Variants in EGFR observed in about 807,000 individuals in gnomAD.
EGFR encodes avian erythroblastic leukemia viral (v-erb-b) oncogene homolog.
In EGFR, 58 loss-of-function variants were observed where a neutral mutation model predicts 143.0. That is an observed-to-expected ratio of 0.41 (90% CI 0.33 to 0.50). EGFR has a LOEUF of 0.50. EGFR is among the 20% of genes least tolerant of loss of function. EGFR has a pLI of 0.39. For missense variants in EGFR, 1,307 were observed against 1,579.0 expected (o/e 0.83, Z 2.92); for synonymous variants, 613 against 594.4 (o/e 1.03, Z -0.45).
At chr7:55,168,421 T>C in intron 15 of EGFR, 1 of 806,654 alleles carries the variant, frequency 1.2e-6, no homozygotes, top group Non-Finnish European at 2.2e-6. Flanking sequence ...ACTTACTTTG[T>C]ATAAGAAATA....
intron 24 of EGFR, among the ~76,000 whole-genome samples, 167 bp from the exon 25 acceptor site, chr7:55,201,021 T>C (rs1429003347): frequency 6.6e-6 from 1 of 152,134 alleles, no homozygotes; most frequent in East Asian, 1.9e-4. Flanking sequence ...ACCCACATCA[T>C]GTCATGAGGG....
At chr7:55,130,110 ACTG>A (rs1793747940) in intron 1 of EGFR, among the ~76,000 whole-genome samples, 1 of 152,164 alleles carries the variant, frequency 6.6e-6, no homozygotes, top group African/African-American at 2.4e-5. Flanking sequence ...GAGGAGGTTT[ACTG>A]AGCCCTTCTC....
rs750418037 is a variant in EGFR, at chr7:55,115,665, C to T, written c.89-26621C>T. On this transcript the variant is annotated intron_variant, in intron 1 of 27. Coordinates refer to ENST00000275493, the MANE Select transcript of EGFR (RefSeq NM_005228.5). ...ATCCATGAGCTCCCTGCAAATATCCCGGTCTGCTCTCAGGACCCAGTGACT... is the reference window on the plus strand; with the variant it reads ...ATCCATGAGCTCCCTGCAAATATCCTGGTCTGCTCTCAGGACCCAGTGACT... 6.6e-5 allele frequency among the ~76,000 whole-genome samples: 10 copies of T among 152,246 alleles called. No homozygotes were observed. The East Asian group carries it at 1.4e-3, about 21-fold the overall frequency.
At chr7:55,050,044 C>T (rs1446050769) in intron 1 of EGFR, among the ~76,000 whole-genome samples, 1 of 152,166 alleles carries the variant, frequency 6.6e-6, no homozygotes, top group South Asian at 2.1e-4. Context: ...CAGCTCTTCC[C>T]TTCCTCTCTC....
intron 16 of EGFR, 109 bp downstream of exon 16, chr7:55,171,322 TC>T: frequency 6.7e-7 from 1 of 1,488,258 alleles, no homozygotes; most frequent in Non-Finnish European, 9.3e-7. Flanking sequence ...TGATCAAGTT[TC>T]TATGGCTCTG....
intron 1 of EGFR, 131 bp from the exon 2 acceptor site, chr7:55,142,155 G>C: frequency 9.2e-7 from 1 of 1,092,744 alleles, no homozygotes; most frequent in Non-Finnish European, 1.4e-6. Context: ...ACCTGGGCAG[G>C]AATGGGTGAG....
In EGFR at chr7:55,063,188, G is replaced by A. The variant is rs527334555; in HGVS notation, c.88+43823G>A. Among the ~76,000 whole-genome samples, 45 of 152,252 alleles carry A rather than the reference G, an allele frequency of 3.0e-4. No homozygotes were observed. In the South Asian group the frequency reaches 5.8e-3, roughly 20 times the overall value. On this transcript the variant is annotated intron_variant, in intron 1 of 27. Coordinates refer to ENST00000275493, the MANE Select transcript of EGFR (RefSeq NM_005228.5). ...AAGAGAAATGAAGAAATATGTGCCC[G>A]GAAGCAAGAACGACCGACCTCATTA...
At chr7:55,150,050 T>C (rs1188554485) in intron 4 of EGFR, among the ~76,000 whole-genome samples, 1 of 152,254 alleles carries the variant, frequency 6.6e-6, no homozygotes, top group Non-Finnish European at 1.5e-5. Context: ...CATTTCTTTT[T>C]TGTAACAGAT....
At chr7:55,089,693 T>C (rs1043198730) in intron 1 of EGFR, among the ~76,000 whole-genome samples, 3 of 152,186 alleles carry the variant, frequency 2.0e-5, no homozygotes, top group African/African-American at 7.2e-5. Context: ...TCCAGTTGTC[T>C]CAAAAATGTG....
rs2128958217 is a variant in EGFR at position 55,181,293 on chromosome 7, G to C, written c.2284G>C (p.Glu762Gln). 6.2e-7 allele frequency: 1 copy of C among 1,614,082 alleles called. No homozygotes were observed. Among genetic ancestry groups the C allele is most frequent in the Non-Finnish European group, 8.5e-7 (1 of 1,180,038 alleles). Residue 762 changes from glutamate to glutamine, a missense_variant and splice_region_variant, in exon 20 of 28, where the codon GAA (glutamate) becomes CAA (glutamine). By Grantham distance (29) the Glu-to-Gln change is conservative. Transcript: ENST00000275493. ...CTGACGTGCCTCTCCCTCCCTCCAG[G>C]AAGCCTACGTGATGGCCAGCGTGGA... ...SPKANKEILD[E>Q]AYVMASVDNP...
At chr7:55,073,599 A>C (rs1386966069) in intron 1 of EGFR, among the ~76,000 whole-genome samples, 1 of 152,188 alleles carries the variant, frequency 6.6e-6, no homozygotes, top group Non-Finnish European at 1.5e-5. Context: ...TTAATTTGGA[A>C]TTTACTATCA....
chr7:55,154,365 A>T (rs1444205701), intron 7 of EGFR, among the ~76,000 whole-genome samples: 1 of 152,182 alleles, frequency 6.6e-6, no homozygotes, highest in Non-Finnish European at 1.5e-5. Flanking sequence ...ATCTCCACCC[A>T]TGGGGGCTGC....
chr7:55,124,148 A>G (rs1055647810), intron 1 of EGFR, among the ~76,000 whole-genome samples: 1 of 152,246 alleles, frequency 6.6e-6, no homozygotes, highest in Non-Finnish European at 1.5e-5. Context: ...TTTTCTCCCT[A>G]TCAGTCATGG....
At chr7:55,021,298 T>G (rs1376406761) in intron 1 of EGFR, among the ~76,000 whole-genome samples, 1 of 152,206 alleles carries the variant, frequency 6.6e-6, no homozygotes, top group Non-Finnish European at 1.5e-5. Flanking sequence ...GCCGGTCCTG[T>G]TAGTCAGGTG....
Position 55,019,105 on chromosome 7 carries a change from G to A in EGFR, c.-173G>A. The A allele has an allele frequency of 2.9e-6, 1 of 346,236 alleles. No homozygotes were observed. The highest frequency in any genetic ancestry group is 5.1e-5 in the Admixed American group (1 of 19,784). 21.4% of individuals were successfully genotyped at this position (346,236 alleles called of 1,614,324 possible). The stretch of plus-strand genomic sequence containing the variant: ...GCGCCCGACGCGGCCGAGGCGGCCG[G>A]AGTCCCGAGCTAGCCCCGGCGGCCG... On this transcript the variant is annotated 5_prime_UTR_variant, in exon 1 of 28. Coordinates refer to ENST00000275493, the MANE Select transcript of EGFR (RefSeq NM_005228.5).
chr7:55,042,415 C>A (rs2128869908), intron 1 of EGFR, among the ~76,000 whole-genome samples: 1 of 152,308 alleles, frequency 6.6e-6, no homozygotes, highest in Non-Finnish European at 1.5e-5. Flanking sequence ...TGAGGAACTA[C>A]TTAAAGAAAG....
At chr7:55,028,993 C>T (rs908482096) in intron 1 of EGFR, among the ~76,000 whole-genome samples, 1 of 151,602 alleles carries the variant, frequency 6.6e-6, no homozygotes, top group African/African-American at 2.4e-5. Flanking sequence ...CCCGCCTCTA[C>T]TAAAAATACA....
chr7:55,078,129 C>G, intron 1 of EGFR, among the ~76,000 whole-genome samples: 1 of 152,118 alleles, frequency 6.6e-6, no homozygotes, highest in South Asian at 2.1e-4. Flanking sequence ...CTCCTGTCCA[C>G]CGTGCCGTGT....
rs376541336 is a variant in EGFR at position 55,205,575 on chromosome 7, C to T, written c.3591C>T (p.Tyr1197=). ...GCTCCACAGCTGAAAATGCAGAATA[C>T]CTAAGGGTCGCGCCACAAAGCAGTG... ...FKGSTAENAE[Y]LRVAPQSSEF... is the part of the protein sequence containing the mutation. Residue 1197 remains tyrosine (Y), a synonymous_variant, in exon 28 of 28, where the codon TAC becomes TAT. Transcript: ENST00000275493. The T allele has an allele frequency of 5.0e-6, 8 of 1,614,046 alleles. No homozygotes were observed. The highest frequency in any genetic ancestry group is 6.8e-6 in the Non-Finnish European group (8 of 1,180,026).
Sources: allele counts gnomAD v4.1 joint callset (sites outside exome capture counted in the v4.1 genomes callset), GRCh38; gene constraint gnomAD v4.1.1; transcripts MANE v1.5; gene names NCBI Gene and HGNC (gene_info 2026-07-23, HGNC 2026-07-21).